Variants in PDE4B observed in about 807,000 individuals in gnomAD.
The protein encoded by PDE4B is 3',5'-cyclic-AMP phosphodiesterase 4B.
In PDE4B, 20 loss-of-function variants were observed where a neutral mutation model predicts 82.2. The ratio of observed to expected loss-of-function variants is 0.24; its 90% CI spans 0.17 to 0.35. The LOEUF is 0.35. PDE4B is among the 10% of genes least tolerant of loss of function. PDE4B has a pLI of 1.00. For missense variants in PDE4B, 655 were observed against 907.2 expected, an observed-to-expected ratio of 0.72 and a Z score of 3.57; for synonymous variants, 320 against 318.9, an observed-to-expected ratio of 1.00 and a Z score of -0.04.
intron 7 of PDE4B, among the ~76,000 whole-genome samples, chr1:66,296,782 T>G (rs1657542834): frequency 6.6e-6 from 1 of 152,176 alleles, no homozygotes; most frequent in Non-Finnish European, 1.5e-5. Context: ...ATAGCAGCTC[T>G]TATTCATGTG....
chr1:66,346,901 T>C (rs1362249244), intron 8 of PDE4B, among the ~76,000 whole-genome samples: 1 of 152,172 alleles, frequency 6.6e-6, no homozygotes, highest in Admixed American at 6.6e-5. Flanking sequence ...ATTCCTAATC[T>C]TCCCATTTCA....
chr1:66,260,799 G>A (rs541817711), intron 6 of PDE4B, among the ~76,000 whole-genome samples: 2 of 152,190 alleles, frequency 1.3e-5, no homozygotes, highest in South Asian at 4.2e-4. Context: ...TAGGAACCAA[G>A]TACCCCAAGA....
At chr1:65,952,407 G>A (rs115478148) in intron 3 of PDE4B, among the ~76,000 whole-genome samples, 8 of 152,132 alleles carry the variant, frequency 5.3e-5, no homozygotes, top group South Asian at 2.1e-4. Flanking sequence ...TAGGCCAGGC[G>A]CGATGGCTCA....
chr1:65,987,649 T>C (rs1267448933), intron 3 of PDE4B, among the ~76,000 whole-genome samples: 3 of 152,194 alleles, frequency 2.0e-5, no homozygotes, highest in African/African-American at 7.2e-5. Flanking sequence ...CTCACTGTTG[T>C]CTGCCTGGGC....
chr1:66,188,528 G>T (rs567521998), intron 3 of PDE4B, among the ~76,000 whole-genome samples: 3 of 151,884 alleles, frequency 2.0e-5, no homozygotes. Flanking sequence ...CCTGTATTGG[G>T]TGCATATATA....
intron 3 of PDE4B, among the ~76,000 whole-genome samples, chr1:66,096,522 A>ATATATATATG (rs1557557920): frequency 2.9e-5 from 4 of 138,502 alleles, no homozygotes; most frequent in Non-Finnish European, 6.2e-5. Flanking sequence ...ATATATATAT[A>ATATATATATG]TATATATATA....
At chr1:66,188,844 A>G (rs1378343944) in intron 3 of PDE4B, among the ~76,000 whole-genome samples, 1 of 152,190 alleles carries the variant, frequency 6.6e-6, no homozygotes, top group Non-Finnish European at 1.5e-5. Flanking sequence ...ATTTAAGGTT[A>G]GTATTGTTAT....
chr1:66,258,013 C>T (rs1366797484), intron 6 of PDE4B, 150 bp downstream of exon 6: 3 of 617,102 alleles, frequency 4.9e-6, no homozygotes, highest in East Asian at 5.5e-5. Flanking sequence ...GGATGGAGCA[C>T]CATAGTATTT....
intron 3 of PDE4B, among the ~76,000 whole-genome samples, chr1:65,983,143 G>A (rs1232702664): frequency 6.6e-6 from 1 of 152,196 alleles, no homozygotes; most frequent in Non-Finnish European, 1.5e-5. Flanking sequence ...AGGAATGTTT[G>A]TCCTGTGCCT....
At chr1:66,046,867 G>T (rs1034382204) in intron 3 of PDE4B, among the ~76,000 whole-genome samples, 6 of 151,712 alleles carry the variant, frequency 4.0e-5, no homozygotes, top group African/African-American at 2.4e-5. Flanking sequence ...GATACAATGG[G>T]CTCTAGCATA....
intron 3 of PDE4B, among the ~76,000 whole-genome samples, chr1:65,936,826 A>G (rs1285006636): frequency 6.6e-6 from 1 of 152,226 alleles, no homozygotes; most frequent in African/African-American, 2.4e-5. Flanking sequence ...GGCATGTTCT[A>G]AACACTGAAT....
intron 3 of PDE4B, among the ~76,000 whole-genome samples, chr1:66,166,829 C>T (rs1325913866): frequency 6.6e-6 from 1 of 151,350 alleles, no homozygotes; most frequent in Non-Finnish European, 1.5e-5. Flanking sequence ...CTAGAATACA[C>T]AAAGAATACT....
chr1:65,989,022 C>A (rs1651102383), intron 3 of PDE4B, among the ~76,000 whole-genome samples: 3 of 152,082 alleles, frequency 2.0e-5, no homozygotes, highest in Admixed American at 6.6e-5. Context: ...AATTAATTGA[C>A]CTTTCTTTTC....
intron 7 of PDE4B, among the ~76,000 whole-genome samples, chr1:66,285,393 A>G (rs548886168): frequency 6.6e-6 from 1 of 152,276 alleles, no homozygotes; most frequent in Admixed American, 6.5e-5. Context: ...GGCTTCTTAC[A>G]TGAATATATT....
intron 3 of PDE4B, among the ~76,000 whole-genome samples, chr1:66,169,197 GA>G (rs527682798): frequency 1.3e-3 from 198 of 152,288 alleles, no homozygotes; most frequent in Non-Finnish European, 2.5e-3. Flanking sequence ...GTCACTCTGG[GA>G]AATGCCATCA....
At position 66,078,115 on chromosome 1, in the gene PDE4B, C is replaced by A. The variant is rs13374600; in HGVS notation, c.281+159280C>A. Among the ~76,000 whole-genome samples the A allele has an allele frequency of 7.6e-4, 115 of 151,942 alleles. 1 individual carries two copies. Among genetic ancestry groups the A allele is most frequent in the African/African-American group, 2.7e-3 (112 of 41,500 alleles). ...AATTGAGTAGTAGAGATACTGAGTC[C>A]ATTTTTTTAAGGTTGCATGGCTAGT... On this transcript the variant is annotated intron_variant, in intron 3 of 16. Coordinates refer to ENST00000341517, the MANE Select transcript of PDE4B (RefSeq NM_002600.4).
chr1:65,933,767 A>T (rs1322068453), intron 3 of PDE4B, among the ~76,000 whole-genome samples: 1 of 152,222 alleles, frequency 6.6e-6, no homozygotes, highest in Admixed American at 6.5e-5. Context: ...ACAAACGGTA[A>T]CATGATAGCA....
intron 3 of PDE4B, among the ~76,000 whole-genome samples, chr1:66,170,647 G>A (rs1297082887): frequency 1.3e-5 from 2 of 152,098 alleles, no homozygotes; most frequent in African/African-American, 4.8e-5. Flanking sequence ...AATAGTTGAT[G>A]AGTATGTCTT....
At chr1:66,069,262 A>G (rs1414004045) in intron 3 of PDE4B, among the ~76,000 whole-genome samples, 1 of 151,986 alleles carries the variant, frequency 6.6e-6, no homozygotes, top group African/African-American at 2.4e-5. Context: ...CAAGGAAAGC[A>G]TGTCTTTCTC....
Sources: allele counts gnomAD v4.1 joint callset (sites outside exome capture counted in the v4.1 genomes callset), GRCh38; gene constraint gnomAD v4.1.1; transcripts MANE v1.5; gene names NCBI Gene and HGNC (gene_info 2026-07-23, HGNC 2026-07-21).